GRID2: variants seen among roughly 807,000 people sequenced by gnomAD.
GRID2 encodes glutamate ionotropic receptor delta type subunit 2.
Under a neutral mutation model 114.8 loss-of-function variants are expected in GRID2, and 33 were observed. The observed-to-expected ratio is 0.29, with a 90% CI of 0.22 to 0.38. The LOEUF is 0.38. GRID2 is among the 10% of genes least tolerant of loss of function. GRID2 has a pLI of 1.00. For missense variants in GRID2, 1,184 were observed against 1,257.7 expected (o/e 0.94, Z 0.89); for synonymous variants, 505 against 449.9 (o/e 1.12, Z -1.55).
chr4:93,672,677 T>C (rs751986748), intron 14 of GRID2, among the ~76,000 whole-genome samples: 14 of 152,226 alleles, frequency 9.2e-5, no homozygotes, highest in Non-Finnish European at 4.4e-5. Context: ...AAATAAACTT[T>C]TGTCTGAGCA....
chr4:92,740,709 TAGATA>T (rs1336205979), intron 2 of GRID2, among the ~76,000 whole-genome samples: 1 of 79,546 alleles, frequency 1.3e-5, no homozygotes, highest in Non-Finnish European at 2.9e-5. Context: ...GATAGATAGA[TAGATA>T]GATAGATAGA....
chr4:92,796,876 G>A (rs901865155), intron 2 of GRID2, among the ~76,000 whole-genome samples: 7 of 151,698 alleles, frequency 4.6e-5, no homozygotes, highest in African/African-American at 1.7e-4. Flanking sequence ...CTATAGGTAG[G>A]CTCTTTTCTA....
chr4:93,233,787 C>T (rs977840833), intron 7 of GRID2, among the ~76,000 whole-genome samples: 4 of 152,036 alleles, frequency 2.6e-5, no homozygotes, highest in Non-Finnish European at 5.9e-5. Flanking sequence ...TTAGAGAGGA[C>T]CTGGTTAGGT....
intron 1 of GRID2, among the ~76,000 whole-genome samples, chr4:92,586,659 G>A (rs551934886): frequency 5.3e-5 from 8 of 151,718 alleles, no homozygotes; most frequent in African/African-American, 1.7e-4. Flanking sequence ...CATTATCATT[G>A]CTTTAATATT....
At chr4:92,486,428 G>C (rs1446279191) in intron 1 of GRID2, among the ~76,000 whole-genome samples, 2 of 151,548 alleles carry the variant, frequency 1.3e-5, no homozygotes, top group Non-Finnish European at 2.9e-5. Flanking sequence ...AAACTTGAAA[G>C]TTTAACATAA....
At chr4:92,549,219 A>G (rs1726449941) in intron 1 of GRID2, among the ~76,000 whole-genome samples, 1 of 152,024 alleles carries the variant, frequency 6.6e-6, no homozygotes, top group Non-Finnish European at 1.5e-5. Flanking sequence ...GAAGGAATGT[A>G]TAACACTTAA....
chr4:93,156,254 TAGAG>T (rs1424934917), intron 4 of GRID2, among the ~76,000 whole-genome samples: 5 of 151,630 alleles, frequency 3.3e-5, no homozygotes, highest in African/African-American at 4.8e-5. Flanking sequence ...AAAAGAAAAA[TAGAG>T]AGGACTTACT....
intron 4 of GRID2, among the ~76,000 whole-genome samples, chr4:93,138,185 GGCTGGTCTTGAACTCCTGAGCTCCA>G (rs1735445700): frequency 6.6e-6 from 1 of 151,790 alleles, no homozygotes; most frequent in South Asian, 2.1e-4. Context: ...ATGTTGCCCA[GGCTGGTCTTGAACTCCTGAGCTCCA>G]GTGATCCACC....
At chr4:92,836,163 A>G (rs1560626025) in intron 2 of GRID2, among the ~76,000 whole-genome samples, 1 of 152,130 alleles carries the variant, frequency 6.6e-6, no homozygotes, top group Non-Finnish European at 1.5e-5. Flanking sequence ...AGAGTTGAGT[A>G]GTGACAGAGA....
intron 1 of GRID2, among the ~76,000 whole-genome samples, chr4:92,370,574 G>C (rs1404960282): frequency 6.6e-6 from 1 of 151,914 alleles, no homozygotes; most frequent in Non-Finnish European, 1.5e-5. Context: ...TTGCTTGTGA[G>C]ACTCCATCTC....
chr4:92,488,580 A>C (rs1207475442), intron 1 of GRID2, among the ~76,000 whole-genome samples: 2 of 152,158 alleles, frequency 1.3e-5, no homozygotes, highest in East Asian at 3.9e-4. Flanking sequence ...CTCCACAAGC[A>C]AGGCAAAATT....
intron 2 of GRID2, among the ~76,000 whole-genome samples, chr4:93,071,640 T>C (rs1453644148): frequency 6.6e-6 from 1 of 151,212 alleles, no homozygotes; most frequent in Admixed American, 6.6e-5. Context: ...ACAGAAGAAA[T>C]AGAAGGAAAA....
chr4:92,428,876 T>A (rs1428386957), intron 1 of GRID2, among the ~76,000 whole-genome samples: 5 of 152,212 alleles, frequency 3.3e-5, no homozygotes, highest in Admixed American at 6.5e-5. Flanking sequence ...ACATTTTTTT[T>A]AAATTATACT....
At chr4:92,602,489 G>T (rs1417241882) in intron 2 of GRID2, among the ~76,000 whole-genome samples, 1 of 152,074 alleles carries the variant, frequency 6.6e-6, no homozygotes, top group Non-Finnish European at 1.5e-5. Flanking sequence ...AAAGGAATTT[G>T]ATAAAATCCA....
intron 2 of GRID2, among the ~76,000 whole-genome samples, chr4:93,028,158 G>A (rs116311821): frequency 0.04 from 6,147 of 152,134 alleles, 171 homozygotes; most frequent in Non-Finnish European, 0.058. Flanking sequence ...TAAATTAGAC[G>A]CAGTCCATGA....
intron 2 of GRID2, among the ~76,000 whole-genome samples, chr4:92,950,794 A>C (rs945512010): frequency 6.6e-6 from 1 of 152,198 alleles, no homozygotes; most frequent in African/African-American, 2.4e-5. Context: ...TGTGTACTAG[A>C]AAAGTATTGC....
intron 1 of GRID2, among the ~76,000 whole-genome samples, chr4:92,583,715 ACAC>A (rs948204119): frequency 2.0e-5 from 3 of 150,100 alleles, no homozygotes; most frequent in Non-Finnish European, 4.4e-5. Flanking sequence ...TTATATATAA[ACAC>A]ACGCACAAAT....
chr4:93,262,557 G>A (rs1206331970), intron 8 of GRID2, among the ~76,000 whole-genome samples: 3 of 151,750 alleles, frequency 2.0e-5, no homozygotes, highest in Admixed American at 6.6e-5. Context: ...TAAATCAATT[G>A]CTTCTTTTTG....
chr4:92,490,166 G>C (rs551049158), intron 1 of GRID2, among the ~76,000 whole-genome samples: 51 of 152,114 alleles, frequency 3.4e-4, no homozygotes, highest in African/African-American at 1.2e-3. Flanking sequence ...AAACTTTTTG[G>C]CTCTATGTTC....
Sources: gnomAD v4.1 joint callset for allele counts (sites outside exome capture counted in the v4.1 genomes callset) on GRCh38, gnomAD v4.1.1 for gene constraint, MANE v1.5 for transcripts, NCBI Gene and HGNC (gene_info 2026-07-23, HGNC 2026-07-21) for gene names.